The following SNX24 variants were observed in gnomAD, a reference collection of about 807,000 sequenced individuals.
SNX24 encodes sorting nexin-24.
SNX24 carries 22 observed loss-of-function variants against 28.7 expected under a neutral mutation model. The observed-to-expected ratio is 0.77, with a 90% CI of 0.55 to 1.10. The LOEUF is 1.10. SNX24 is among the 50% of genes least tolerant of loss of function. The pLI is 0.00. For synonymous variants in SNX24, 69 were observed against 71.5 expected (o/e 0.96, Z 0.18); for missense variants, 221 against 201.1 (o/e 1.10, Z -0.60).
intron 1 of SNX24, among the ~76,000 whole-genome samples, chr5:122,904,027 G>A (rs1169224137): frequency 6.6e-6 from 1 of 152,064 alleles, no homozygotes; most frequent in Non-Finnish European, 1.5e-5. Flanking sequence ...GGCACAGTAG[G>A]GACAGGAGAC....
At chr5:122,929,576 G>A (rs892549975) in intron 1 of SNX24, among the ~76,000 whole-genome samples, 3 of 151,956 alleles carry the variant, frequency 2.0e-5, no homozygotes, top group African/African-American at 7.3e-5. Context: ...AGTACATTTG[G>A]TCCGCTTTGT....
chr5:122,917,813 G>C (rs544266973), intron 1 of SNX24, among the ~76,000 whole-genome samples: 2 of 152,294 alleles, frequency 1.3e-5, no homozygotes, highest in African/African-American at 4.8e-5. Context: ...GGGTGCGGTG[G>C]CTTACACCTG....
intron 1 of SNX24, among the ~76,000 whole-genome samples, chr5:122,892,823 C>G (rs908332969): frequency 5.3e-5 from 8 of 151,924 alleles, no homozygotes; most frequent in African/African-American, 1.5e-4. Context: ...GGCTGGAATG[C>G]AGTGGCTCGA....
chr5:122,968,513 CA>C (rs1448297405), intron 3 of SNX24, among the ~76,000 whole-genome samples: 1 of 152,100 alleles, frequency 6.6e-6, no homozygotes, highest in Non-Finnish European at 1.5e-5. Flanking sequence ...ATTTCCTGAC[CA>C]AATCTCATCA....
At chr5:122,853,625 T>A in intron 1 of SNX24, 1 of 351,414 alleles carries the variant, frequency 2.8e-6, no homozygotes, top group East Asian at 8.3e-5. Context: ...AACTTTTTTT[T>A]AGATGTTATT....
chr5:123,003,228 G>T lies in SNX24; in HGVS notation c.442+1224G>T, dbSNP rs376438822. ...ACGCAGCCCTGCTCCTCCCTAGGAA[G>T]GGTTGAGGGACCCTTCCTAGTAGCA... On this transcript the variant is annotated intron_variant, in intron 6 of 6. Transcript: ENST00000261369. Among the ~76,000 whole-genome samples, 7 of 152,270 alleles carry T rather than the reference G, an allele frequency of 4.6e-5. No homozygotes were observed. The East Asian group carries it at 1.2e-3, about 25-fold the overall frequency.
intron 1 of SNX24, among the ~76,000 whole-genome samples, chr5:122,894,616 T>C (rs1473554404): frequency 2.0e-5 from 3 of 152,206 alleles, no homozygotes; most frequent in African/African-American, 7.2e-5. Flanking sequence ...ACCAATTTTT[T>C]AAATGAGCAT....
intron 1 of SNX24, among the ~76,000 whole-genome samples, chr5:122,850,599 A>G (rs918000913): frequency 2.0e-5 from 3 of 152,168 alleles, no homozygotes; most frequent in African/African-American, 7.2e-5. Flanking sequence ...TGGTGACCAG[A>G]TGTACAGCAG....
chr5:122,896,099 G>A (rs1033416912), intron 1 of SNX24, among the ~76,000 whole-genome samples: 1 of 152,224 alleles, frequency 6.6e-6, no homozygotes, highest in African/African-American at 2.4e-5. Flanking sequence ...AGTGAGCTGA[G>A]ATCAAGTCAT....
intron 3 of SNX24, among the ~76,000 whole-genome samples, chr5:122,987,435 A>G (rs1336385409): frequency 6.6e-6 from 1 of 152,214 alleles, no homozygotes; most frequent in African/African-American, 2.4e-5. Flanking sequence ...TCTAGAGAAA[A>G]GTAACAAGAT....
intron 1 of SNX24, among the ~76,000 whole-genome samples, chr5:122,931,508 C>T (rs935713252): frequency 1.3e-5 from 2 of 152,060 alleles, no homozygotes; most frequent in African/African-American, 4.8e-5. Flanking sequence ...TTTTTATTAT[C>T]TTGAATGTTT....
chr5:122,915,842 C>T (rs1053433841), intron 1 of SNX24, among the ~76,000 whole-genome samples: 1 of 152,226 alleles, frequency 6.6e-6, no homozygotes, highest in Non-Finnish European at 1.5e-5. Flanking sequence ...CTCAGGTAAT[C>T]TGTTTCTTTT....
chr5:122,943,268 A>G (rs1021829119), intron 2 of SNX24, among the ~76,000 whole-genome samples: 1 of 152,112 alleles, frequency 6.6e-6, no homozygotes, highest in African/African-American at 2.4e-5. Flanking sequence ...TTCACATAAT[A>G]AAGCCTGCCT....
chr5:122,885,493 C>T (rs1210534503), intron 1 of SNX24, among the ~76,000 whole-genome samples: 1 of 152,144 alleles, frequency 6.6e-6, no homozygotes, highest in African/African-American at 2.4e-5. Flanking sequence ...CCTTTCCCCC[C>T]TTCTAATGCC....
intron 3 of SNX24, among the ~76,000 whole-genome samples, chr5:122,992,414 C>T (rs1301521350): frequency 2.0e-5 from 3 of 152,252 alleles, no homozygotes; most frequent in Non-Finnish European, 2.9e-5. Context: ...GAAGCCCTTC[C>T]TAACCTCTCC....
chr5:122,880,639 C>T (rs1394210179), intron 1 of SNX24, among the ~76,000 whole-genome samples: 2 of 152,114 alleles, frequency 1.3e-5, no homozygotes, highest in Non-Finnish European at 2.9e-5. Flanking sequence ...TTTATCATAT[C>T]AGAAAAGAAC....
At chr5:122,901,316 T>C (rs1757440135) in intron 1 of SNX24, among the ~76,000 whole-genome samples, 1 of 152,208 alleles carries the variant, frequency 6.6e-6, no homozygotes, top group African/African-American at 2.4e-5. Context: ...ATTTATTTGT[T>C]TCTACTTTAT....
In SNX24 at chr5:122,853,418, C is replaced by T. The variant is rs544808325; in HGVS notation, c.60+7725C>T. ...CTGGGATTACAGGCGTGAGCCACCG[C>T]GCCCGGCGGTATGTTCCTTACCCTT... On this transcript the variant is annotated intron_variant, in intron 1 of 6. Transcript: ENST00000261369. Among the ~76,000 whole-genome samples, 15 of 152,206 alleles carry T rather than the reference C, an allele frequency of 9.9e-5. No individual in the cohort carries two copies. In the South Asian group the frequency reaches 1.7e-3, roughly 17 times the overall value.
intron 1 of SNX24, among the ~76,000 whole-genome samples, chr5:122,913,616 C>G (rs1340972170): frequency 6.6e-6 from 1 of 152,194 alleles, no homozygotes; most frequent in African/African-American, 2.4e-5. Flanking sequence ...GGTCTCCTCA[C>G]TTCTCAGACG....
Sources: allele counts gnomAD v4.1 joint callset (sites outside exome capture counted in the v4.1 genomes callset), GRCh38; gene constraint gnomAD v4.1.1; transcripts MANE v1.5; gene names NCBI Gene and HGNC (gene_info 2026-07-23, HGNC 2026-07-21).